Variants in ALDH1A3 observed in about 807,000 individuals in gnomAD.
ALDH1A3 encodes the protein retinaldehyde dehydrogenase 3.
A neutral mutation model predicts 57.5 loss-of-function variants in ALDH1A3; 28 were observed. The ratio of observed to expected loss-of-function variants is 0.49; its 90% confidence interval spans 0.36 to 0.67. ALDH1A3 has a LOEUF of 0.67. Ranked by LOEUF, ALDH1A3 falls within the 30% of genes least tolerant of loss-of-function variation. ALDH1A3 has a pLI of 0.00. For missense variants in ALDH1A3, 507 were observed against 669.4 expected (o/e 0.76, Z 2.68); for synonymous variants, 281 against 264.8 (o/e 1.06, Z -0.59).
chr15:100,884,653 C>T (rs1308018461), intron 1 of ALDH1A3, among the ~76,000 whole-genome samples: 3 of 149,492 alleles, frequency 2.0e-5, no homozygotes, highest in African/African-American at 7.4e-5. Context: ...CATAGGTAAA[C>T]ATGCGCCATG....
At position 100,892,551 on chromosome 15, in the gene ALDH1A3, T is replaced by C. The variant is rs139132913; in HGVS notation, c.387T>C (p.Ala129=). ...ATACAGGGAAGCCATTTCTTCATGC[T>C]TTTTTCATCGACCTGGAGGGCTGTA... ...TMDTGKPFLH[A]FFIDLEGCIR... The change falls in exon 4 of 13, where the codon GCT becomes GCC. Residue 129 remains alanine (A), a synonymous_variant. Transcript: ENST00000329841. 1 of 1,612,348 alleles carries C rather than the reference T, an allele frequency of 6.2e-7. No homozygotes were observed. Among genetic ancestry groups the C allele is most frequent in the African/African-American group, 1.3e-5 (1 of 74,842 alleles).
At position 100,880,005 on chromosome 15, in the gene ALDH1A3, A is replaced by T. The variant is rs1216823046; in HGVS notation, c.98A>T (p.Lys33Met). The change falls in exon 1 of 13, where the codon AAG (lysine) becomes ATG (methionine). Residue 33 changes from lysine to methionine, a missense_variant and splice_region_variant. Transcript: ENST00000329841. ...CGCAACCTGGAGGTCAAGTTCACCA[A>T]GGTGAGGCGGGCGCCCCTCCCACCC... is the stretch of plus-strand genomic sequence containing the variant. Reference protein sequence around the residue: ...PIRNLEVKFTKIFINNEWHES... With the variant: ...PIRNLEVKFTMIFINNEWHES... 6.2e-6 allele frequency: 9 copies of T among 1,462,596 alleles called. No individual in the cohort carries two copies. The South Asian group carries it at 1.2e-4, about 19-fold the overall frequency. 90.6% of individuals were successfully genotyped at this position (1,462,596 alleles called of 1,614,324 possible).
chr15:100,891,392 C>T (rs1178939592), intron 3 of ALDH1A3, among the ~76,000 whole-genome samples: 1 of 152,236 alleles, frequency 6.6e-6, no homozygotes, highest in African/African-American at 2.4e-5. Flanking sequence ...GTAGCCCGAG[C>T]ATCCGGAGTG....
At chr15:100,897,452 C>T (rs1442742985) in intron 7 of ALDH1A3, among the ~76,000 whole-genome samples, 1 of 152,244 alleles carries the variant, frequency 6.6e-6, no homozygotes, top group Non-Finnish European at 1.5e-5. Context: ...GGAGAGACCC[C>T]GTGGGGGCCT....
intron 8 of ALDH1A3, among the ~76,000 whole-genome samples, chr15:100,900,233 CATT>C (rs2041752657): frequency 6.6e-6 from 1 of 152,118 alleles, no homozygotes; most frequent in Non-Finnish European, 1.5e-5. Context: ...TTCTATAAAA[CATT>C]AGTCCTCTAG....
intron 10 of ALDH1A3, among the ~76,000 whole-genome samples, 159 bp downstream of exon 10, chr15:100,905,846 C>G (rs1025059505): frequency 6.6e-6 from 1 of 152,116 alleles, no homozygotes; most frequent in African/African-American, 2.4e-5. Flanking sequence ...TCTTTCCCCT[C>G]TCCTTTGGGG....
chr15:100,900,441 A>C (rs2041754869), intron 8 of ALDH1A3, 134 bp from the exon 9 acceptor site: 1 of 825,504 alleles, frequency 1.2e-6, no homozygotes, highest in African/African-American at 1.7e-5. Flanking sequence ...AACAAAATTA[A>C]TTTCTGAAAT....
chr15:100,902,304 C>G (rs568814599), intron 9 of ALDH1A3, among the ~76,000 whole-genome samples: 4 of 152,338 alleles, frequency 2.6e-5, no homozygotes, highest in South Asian at 4.1e-4. Flanking sequence ...TGCCACCGCT[C>G]AAAGTCCTTC....
intron 9 of ALDH1A3, among the ~76,000 whole-genome samples, chr15:100,902,129 C>T (rs1203211054): frequency 6.6e-6 from 1 of 152,338 alleles, no homozygotes; most frequent in South Asian, 2.1e-4. Context: ...GATCCCCATA[C>T]AGAAGAAACT....
At chr15:100,895,891 G>A (rs767930360) in intron 6 of ALDH1A3, 42 bp from the exon 7 acceptor site, 4 of 1,523,168 alleles carry the variant, frequency 2.6e-6, no homozygotes, top group Non-Finnish European at 3.6e-6. Context: ...CGTGGTGGAT[G>A]AAGTCCGTTC....
At chr15:100,899,921 G>A (rs1454608682) in intron 8 of ALDH1A3, among the ~76,000 whole-genome samples, 5 of 152,186 alleles carry the variant, frequency 3.3e-5, no homozygotes, top group Admixed American at 6.5e-5. Context: ...TGCGGGGGTT[G>A]GTGGTGATGA....
intron 12 of ALDH1A3, among the ~76,000 whole-genome samples, chr15:100,912,913 CT>C (rs1295672707): frequency 3.4e-5 from 1 of 29,490 alleles, no homozygotes; most frequent in Non-Finnish European, 7.6e-5. Flanking sequence ...AATCCCAGCA[CT>C]TTGGGAGGCC....
chr15:100,907,844 C>CTTTTTTTTTTTTTT (rs71151987), intron 11 of ALDH1A3, among the ~76,000 whole-genome samples: 58 of 81,926 alleles, frequency 7.1e-4, no homozygotes, highest in East Asian at 1.3e-3. Context: ...TTCTTTCTTT[C>CTTTTTTTTTTTTTT]TTTTTTTTTT....
chr15:100,887,796 TC>T lies in ALDH1A3; in HGVS notation c.345+85del. The T allele has an allele frequency of 6.8e-7, 1 of 1,465,126 alleles. No homozygotes were observed. Among genetic ancestry groups the T allele is most frequent in the Non-Finnish European group, 9.1e-7 (1 of 1,102,794 alleles). 90.8% of individuals were successfully genotyped at this position (1,465,126 alleles called of 1,614,324 possible). A position where few individuals can be genotyped will look rare whatever the true frequency, so the allele number is the denominator to read the frequency against. ...CCACCATGGGGTATGGGAAAAAAGATCACGGTCCTGGTTTTGTGTGGTCGTG... is the reference window on the plus strand; with the variant it reads ...CCACCATGGGGTATGGGAAAAAAGATACGGTCCTGGTTTTGTGTGGTCGTG... On this transcript the variant is annotated intron_variant, in intron 3 of 12. Coordinates refer to ENST00000329841, the MANE Select transcript of ALDH1A3 (RefSeq NM_000693.4). The surrounding 1 kb of genome is among the most constrained non-coding windows in gnomAD (Gnocchi z 4.6).
chr15:100,885,199 T>A, intron 1 of ALDH1A3, 68 bp from the exon 2 acceptor site: 1 of 1,118,416 alleles, frequency 8.9e-7, no homozygotes, highest in Non-Finnish European at 1.4e-6. Flanking sequence ...TCACCTAAGG[T>A]CCTTAGCATG....
At chr15:100,888,959 A>G (rs529914335) in intron 3 of ALDH1A3, 8 of 152,330 alleles carry the variant, frequency 5.3e-5, no homozygotes, top group African/African-American at 1.9e-4. Flanking sequence ...GGGGATATTG[A>G]TGGAGCATAC....
chr15:100,885,428 A>G, intron 2 of ALDH1A3, 57 bp downstream of exon 2: 3 of 1,337,592 alleles, frequency 2.2e-6, no homozygotes, highest in Non-Finnish European at 3.2e-6. Flanking sequence ...ACCAAAGGAT[A>G]AGGAAACGGT....
rs2041758522 is a variant in ALDH1A3, at chr15:100,900,702, T to C, written c.1011T>C (p.Tyr337=). The part of the protein sequence containing the change: ...YSEFVRRSVE[Y]AKKRPVGDPF... ...AGTTTGTCAGGCGGAGCGTGGAGTA[T>C]GCCAAGAAACGGCCCGTGGGAGACC... The change falls in exon 9 of 13, where the codon TAT becomes TAC. Residue 337 remains tyrosine, a synonymous_variant. Coordinates refer to ENST00000329841, the MANE Select transcript of ALDH1A3 (RefSeq NM_000693.4). 6.2e-7 allele frequency: 1 copy of C among 1,613,960 alleles called. No individual in the cohort carries two copies. Among genetic ancestry groups the C allele is most frequent in the South Asian group, 1.1e-5 (1 of 91,070 alleles).
In ALDH1A3 at chr15:100,902,994, A is replaced by G. The variant is rs192293648; in HGVS notation, c.1068+2235A>G. Among the ~76,000 whole-genome samples, 470 of 152,282 alleles carry G rather than the reference A, an allele frequency of 3.1e-3. 2 individuals are homozygous for G. The highest frequency in any genetic ancestry group is 0.011 in the African/African-American group (451 of 41,540). On this transcript the variant is annotated intron_variant, in intron 9 of 12. Transcript: ENST00000329841. ...AGCAGCATCTGGAACTGTTAACCTGAGACTTGGTTCACCCAGAGAGAAGTT... is the reference window on the plus strand; with the variant it reads ...AGCAGCATCTGGAACTGTTAACCTGGGACTTGGTTCACCCAGAGAGAAGTT...
Sources: gnomAD v4.1 joint callset for allele counts (sites outside exome capture counted in the v4.1 genomes callset) on GRCh38, gnomAD v4.1.1 for gene constraint, Gnocchi (gnomAD v3.1) non-coding constraint, MANE v1.5 for transcripts, NCBI Gene and HGNC (gene_info 2026-07-23, HGNC 2026-07-21) for gene names.